INPP5A: variants seen among roughly 807,000 people sequenced by gnomAD.
The protein encoded by INPP5A is 43 kDa inositol polyphosphate 5-phophatase.
A neutral mutation model predicts 65.2 loss-of-function variants in INPP5A; 14 were observed. The observed-to-expected ratio is 0.21, with a 90% CI of 0.14 to 0.34. The LOEUF is 0.34. Ranked by LOEUF, INPP5A falls within the 10% of genes least tolerant of loss-of-function variation. The pLI is 1.00. For synonymous variants in INPP5A, 207 were observed against 208.3 expected, an observed-to-expected ratio of 0.99 and a Z score of 0.05; for missense variants, 431 against 545.6, an observed-to-expected ratio of 0.79 and a Z score of 2.09.
At chr10:132,756,390 G>A (rs888317816) in intron 11 of INPP5A, among the ~76,000 whole-genome samples, 10 of 152,174 alleles carry the variant, frequency 6.6e-5, no homozygotes, top group African/African-American at 9.7e-5. Context: ...GTATGTGTGC[G>A]TGTACTTGTA....
At position 132,627,001 on chromosome 10, in the gene INPP5A, G is replaced by C. The variant is rs572309739; in HGVS notation, c.118-18867G>C. 3.3e-5 allele frequency among the ~76,000 whole-genome samples: 5 copies of C among 152,298 alleles called. No individual in the cohort carries two copies. Among genetic ancestry groups the C allele is most frequent in the South Asian group, 4.1e-4 (2 of 4,828 alleles). On this transcript the variant is annotated intron_variant, in intron 2 of 15. Coordinates refer to ENST00000368594, the MANE Select transcript of INPP5A (RefSeq NM_005539.5). The surrounding 1 kb of genome is among the most constrained non-coding windows in gnomAD (Gnocchi z 6.6). ...CTGACCCCAGTGTAATGGTATTGAG[G>C]GGGGTGGGCCCTTTGGGAGGTGATG...
chr10:132,601,246 A>G (rs2071773580), intron 1 of INPP5A, among the ~76,000 whole-genome samples: 1 of 152,194 alleles, frequency 6.6e-6, no homozygotes, highest in Non-Finnish European at 1.5e-5. Flanking sequence ...CATTTCCTTA[A>G]TGATTAGTGA....
intron 13 of INPP5A, among the ~76,000 whole-genome samples, chr10:132,779,399 C>G (rs1301812879): frequency 6.6e-6 from 1 of 152,280 alleles, no homozygotes; most frequent in Non-Finnish European, 1.5e-5. Context: ...GATGCCATCC[C>G]CTGGGAAAAC....
At chr10:132,585,872 C>T (rs2071538923) in intron 1 of INPP5A, among the ~76,000 whole-genome samples, 1 of 152,218 alleles carries the variant, frequency 6.6e-6, no homozygotes, top group Non-Finnish European at 1.5e-5. Flanking sequence ...CTGCTGGTTC[C>T]TGCTAGCAGG....
chr10:132,570,150 T>C (rs1194332237), intron 1 of INPP5A, among the ~76,000 whole-genome samples: 4 of 151,744 alleles, frequency 2.6e-5, no homozygotes, highest in Admixed American at 2.6e-4. Context: ...TTTCGCCTTA[T>C]TGGCCAGGCT....
intron 4 of INPP5A, among the ~76,000 whole-genome samples, chr10:132,669,893 T>A (rs1278202352): frequency 6.6e-6 from 1 of 152,004 alleles, no homozygotes; most frequent in African/African-American, 2.4e-5. Flanking sequence ...GCTCCCTCTC[T>A]GTCCTCAGGG....
intron 9 of INPP5A, among the ~76,000 whole-genome samples, chr10:132,744,330 GCCT>G (rs1846329283): frequency 6.6e-6 from 1 of 152,306 alleles, no homozygotes; most frequent in South Asian, 2.1e-4. Flanking sequence ...CCACCCACAG[GCCT>G]CCCAGGAGGC....
chr10:132,727,846 A>T lies in INPP5A; in HGVS notation c.732+941A>T, dbSNP rs2134584418. On this transcript the variant is annotated intron_variant, in intron 9 of 15. Coordinates refer to ENST00000368594, the MANE Select transcript of INPP5A (RefSeq NM_005539.5). This position sits in a 1 kb window ranked among gnomAD's most constrained non-coding sequence, Gnocchi z 6.5. ...GTCAGATGGGGACATGGTGAGTTGG[A>T]TGGGGACACAGTGAGTTGGATGGGA... Among the ~76,000 whole-genome samples the T allele has an allele frequency of 6.6e-6, 1 of 152,138 alleles. No individual in the cohort carries two copies. Among genetic ancestry groups the T allele is most frequent in the South Asian group, 2.1e-4 (1 of 4,810 alleles).
In INPP5A at chr10:132,749,599, A is replaced by G. The variant is rs774667640; in HGVS notation, c.815A>G (p.Asp272Gly). 1 of 1,612,968 alleles carries G rather than the reference A, an allele frequency of 6.2e-7. No individual in the cohort carries two copies. ...GTGAAGCTCATATTTCGTGAGTCGG[A>G]CAACGACCGGAAGGTGAGCGGGGCC... ...EVVKLIFRES[D>G]NDRKVMLQLE... The change falls in exon 10 of 16, where the codon GAC becomes GGC. Residue 272 changes from aspartate (D) to glycine (G), a missense_variant. By Grantham distance (94) the Asp-to-Gly change is moderately conservative (BLOSUM62 -1). Transcript: ENST00000368594.
At chr10:132,666,905 T>A (rs982969734) in intron 4 of INPP5A, among the ~76,000 whole-genome samples, 1 of 152,212 alleles carries the variant, frequency 6.6e-6, no homozygotes, top group Non-Finnish European at 1.5e-5. Flanking sequence ...TGAGTCATAA[T>A]GTGTACTGAG....
At chr10:132,607,993 A>G (rs1307155130) in intron 2 of INPP5A, 37 bp downstream of exon 2, 4 of 1,599,240 alleles carry the variant, frequency 2.5e-6, no homozygotes, top group Non-Finnish European at 2.6e-6. Flanking sequence ...TGGATTCATT[A>G]CTTAGCCAAT....
intron 4 of INPP5A, among the ~76,000 whole-genome samples, chr10:132,687,509 G>T (rs1403127752): frequency 6.6e-6 from 1 of 152,226 alleles, no homozygotes; most frequent in Non-Finnish European, 1.5e-5. Flanking sequence ...TCCCGTGGAG[G>T]CAGAGATGCT....
chr10:132,589,349 G>C (rs2071588660), intron 1 of INPP5A, among the ~76,000 whole-genome samples: 1 of 152,244 alleles, frequency 6.6e-6, no homozygotes, highest in Non-Finnish European at 1.5e-5. Context: ...GCGGGTTCTT[G>C]AGGCAAAGGG....
intron 2 of INPP5A, among the ~76,000 whole-genome samples, chr10:132,624,482 C>T (rs775832547): frequency 2.3e-4 from 35 of 151,946 alleles, no homozygotes; most frequent in African/African-American, 7.5e-4. Flanking sequence ...TTCCCACCGG[C>T]GTGTCTGCAC....
At chr10:132,703,411 C>T (rs1280493893) in intron 6 of INPP5A, among the ~76,000 whole-genome samples, 2 of 151,970 alleles carry the variant, frequency 1.3e-5, no homozygotes, top group Admixed American at 1.3e-4. Context: ...CACACACAAG[C>T]GGCTTCACCC....
chr10:132,756,220 T>C (rs1250585157), intron 11 of INPP5A, among the ~76,000 whole-genome samples: 1 of 151,860 alleles, frequency 6.6e-6, no homozygotes, highest in Non-Finnish European at 1.5e-5. Context: ...TGTGTGCACT[T>C]TGTGTGGTGT....
chr10:132,729,820 C>T (rs60758424), intron 9 of INPP5A, among the ~76,000 whole-genome samples: 4,576 of 152,290 alleles, frequency 0.03, 223 homozygotes, highest in African/African-American at 0.1. Flanking sequence ...GACGGGAATT[C>T]TAATGGCTGT....
chr10:132,566,981 T>G (rs577155000), intron 1 of INPP5A, among the ~76,000 whole-genome samples: 1 of 152,360 alleles, frequency 6.6e-6, no homozygotes, highest in South Asian at 2.1e-4. Flanking sequence ...TAACTGTTGC[T>G]AATCTTGAGC....
In INPP5A at chr10:132,616,043, C is replaced by T. The variant is rs117685476; in HGVS notation, c.117+8087C>T. Among the ~76,000 whole-genome samples the T allele has an allele frequency of 0.015, 2,301 of 152,246 alleles. 32 individuals carry two copies. Among genetic ancestry groups the T allele is most frequent in the South Asian group, 0.039 (189 of 4,830 alleles). ...CCCTCTGTAGCTGCCGGTTCCGGGT[C>T]CTGTGGGGAGCGGTGAGGGATGGTC... is the stretch of plus-strand genomic sequence containing the variant. On this transcript the variant is annotated intron_variant, in intron 2 of 15. Coordinates refer to ENST00000368594, the MANE Select transcript of INPP5A (RefSeq NM_005539.5). The surrounding 1 kb of genome is among the most constrained non-coding windows in gnomAD (Gnocchi z 4.9).
Sources: gnomAD v4.1 joint callset for allele counts (sites outside exome capture counted in the v4.1 genomes callset) on GRCh38, gnomAD v4.1.1 for gene constraint, Gnocchi (gnomAD v3.1) non-coding constraint, MANE v1.5 for transcripts, NCBI Gene and HGNC (gene_info 2026-07-23, HGNC 2026-07-21) for gene names.